The following SEMA7A variants were observed in gnomAD, a reference collection of about 807,000 sequenced individuals.
SEMA7A encodes the protein semaphorin-7A.
In SEMA7A, 21 loss-of-function variants were observed where a neutral mutation model predicts 67.5. The observed-to-expected ratio is 0.31, with a 90% CI of 0.22 to 0.45. SEMA7A has a LOEUF of 0.45. Among genes scored for constraint, SEMA7A ranks in the 20% least tolerant of loss-of-function variants. The pLI, the probability that SEMA7A is intolerant of heterozygous loss-of-function variation, is 1.00. For missense variants in SEMA7A, 774 were observed against 908.6 expected, an observed-to-expected ratio of 0.85 and a Z score of 1.90; for synonymous variants, 364 against 368.5, an observed-to-expected ratio of 0.99 and a Z score of 0.14.
chr15:74,415,520 C>T (rs542214530), intron 8 of SEMA7A, among the ~76,000 whole-genome samples: 34 of 152,274 alleles, frequency 2.2e-4, no homozygotes, highest in African/African-American at 8.2e-4. Context: ...CCAGTGTCCA[C>T]TCTCGGCACA....
In SEMA7A at chr15:74,423,871, G is replaced by A. The variant is rs1021909673; in HGVS notation, c.179-4919C>T. 3.9e-5 allele frequency among the ~76,000 whole-genome samples: 6 copies of A among 152,178 alleles called. No individual in the cohort carries two copies. The South Asian group carries it at 6.2e-4, about 16-fold the overall frequency. On this transcript the variant is annotated intron_variant, in intron 1 of 13. Transcript: ENST00000261918. This position sits in a 1 kb window ranked among gnomAD's most constrained non-coding sequence, Gnocchi z 4.1. ...CTGGTTTCCAGGGTGGCACCGGCTCGGTGCTAAGGATAGGTCATGGTTGCA... is the reference window on the plus strand; with the variant it reads ...CTGGTTTCCAGGGTGGCACCGGCTCAGTGCTAAGGATAGGTCATGGTTGCA...
intron 1 of SEMA7A, among the ~76,000 whole-genome samples, chr15:74,421,376 C>T (rs28362897): frequency 0.044 from 6,751 of 152,260 alleles, 250 homozygotes; most frequent in African/African-American, 0.1. Flanking sequence ...AGCTGCAGCA[C>T]TAGGGCCCGG....
chr15:74,414,705 T>C lies in SEMA7A; in HGVS notation c.1136A>G (p.Gln379Arg). 6.2e-7 allele frequency: 1 copy of C among 1,614,130 alleles called. No individual in the cohort carries two copies. Among genetic ancestry groups the C allele is most frequent in the Non-Finnish European group, 8.5e-7 (1 of 1,180,020 alleles). ...DQQPIPTETF[Q>R]VADRHPEVAQ... ...CACCTCTGGGTGACGGTCAGCCACC[T>C]GGAAGGTCTCTGTGGGTATCGGCTG... The change falls in exon 10 of 14, where the codon CAG becomes CGG. Residue 379 changes from glutamine to arginine, a missense_variant. Transcript: ENST00000261918. This position sits in a 1 kb window ranked among gnomAD's most constrained non-coding sequence, Gnocchi z 4.1.
At chr15:74,416,490 A>T in intron 7 of SEMA7A, 85 bp downstream of exon 7, 1 of 1,439,366 alleles carries the variant, frequency 6.9e-7, no homozygotes, top group Non-Finnish European at 9.6e-7. Context: ...CAACTTCTAC[A>T]TGCACACGGA....
chr15:74,410,533 C>T lies in SEMA7A; in HGVS notation c.*91G>A. 1 of 1,492,728 alleles carries T rather than the reference C, an allele frequency of 6.7e-7. No homozygotes were observed. The highest frequency in any genetic ancestry group is 2.3e-5 in the East Asian group (1 of 43,756). 92.5% of individuals were successfully genotyped at this position (1,492,728 alleles called of 1,614,324 possible). On this transcript the variant is annotated 3_prime_UTR_variant, in exon 14 of 14. Transcript: ENST00000261918. This position sits in a 1 kb window ranked among gnomAD's most constrained non-coding sequence, Gnocchi z 7.5. Reference sequence around the variant, plus strand: ...TCTGTCCCCTGGAAGAAGTGGCAGGCAAGGAGCTCCCGGGCCAGCCGGCTC... The same window carrying T: ...TCTGTCCCCTGGAAGAAGTGGCAGGTAAGGAGCTCCCGGGCCAGCCGGCTC...
intron 1 of SEMA7A, among the ~76,000 whole-genome samples, chr15:74,420,897 G>A (rs2060994766): frequency 6.6e-6 from 1 of 152,218 alleles, no homozygotes; most frequent in African/African-American, 2.4e-5. Context: ...TAGGACCTGA[G>A]ATCCATAGTC....
intron 1 of SEMA7A, among the ~76,000 whole-genome samples, chr15:74,430,811 T>A (rs1443403614): frequency 6.6e-6 from 1 of 152,220 alleles, no homozygotes; most frequent in African/African-American, 2.4e-5. Context: ...AAGCCCCAGA[T>A]GTGACCTCAT....
intron 1 of SEMA7A, among the ~76,000 whole-genome samples, chr15:74,427,529 C>T (rs1165860292): frequency 6.6e-6 from 1 of 152,178 alleles, no homozygotes; most frequent in African/African-American, 2.4e-5. Context: ...CGGGGTTTCA[C>T]CATGTTGGCC....
At chr15:74,427,961 T>C (rs1258846536) in intron 1 of SEMA7A, among the ~76,000 whole-genome samples, 1 of 152,092 alleles carries the variant, frequency 6.6e-6, no homozygotes, top group Non-Finnish European at 1.5e-5. Flanking sequence ...TGATGAGGGG[T>C]CACCCAGGGG....
intron 6 of SEMA7A, 66 bp from the exon 7 acceptor site, chr15:74,416,780 GCA>G: frequency 1.3e-6 from 2 of 1,550,586 alleles, no homozygotes; most frequent in Non-Finnish European, 1.8e-6. Context: ...TCCCAACCCT[GCA>G]CACTCTCCTC....
chr15:74,418,171 T>A, intron 3 of SEMA7A, 97 bp downstream of exon 3: 1 of 1,312,968 alleles, frequency 7.6e-7, no homozygotes, highest in South Asian at 1.2e-5. Flanking sequence ...AGTCTGGGAC[T>A]CGTGGGGCAG....
chr15:74,426,473 T>G (rs1257857026), intron 1 of SEMA7A, among the ~76,000 whole-genome samples: 2 of 152,182 alleles, frequency 1.3e-5, no homozygotes, highest in African/African-American at 4.8e-5. Flanking sequence ...TGCCTCTCTC[T>G]TAATCATGGA....
chr15:74,411,529 A>G lies in SEMA7A; in HGVS notation c.1577+27T>C, dbSNP rs373375782. 3.2e-6 allele frequency: 5 copies of G among 1,542,946 alleles called. No individual in the cohort carries two copies. In the African/African-American group the frequency reaches 6.9e-5, roughly 21 times the overall value. ...CCCTCTCCCATGCCCACCTTCTCCC[A>G]GGGACGAGGGATCCCGGCCAACGTA... On this transcript the variant is annotated intron_variant, in intron 12 of 13. Transcript: ENST00000261918. The surrounding 1 kb of genome is among the most constrained non-coding windows in gnomAD (Gnocchi z 4.4).
rs376340979 is a variant in SEMA7A at position 74,418,805 on chromosome 15, C to T, written c.326G>A (p.Arg109His). 34 of 1,613,386 alleles carry T rather than the reference C, an allele frequency of 2.1e-5. No homozygotes were observed. The highest frequency in any genetic ancestry group is 6.7e-5 in the East Asian group (3 of 44,890). The change falls in exon 2 of 14, where the codon CGC becomes CAC. Residue 109 changes from arginine (R) to histidine (H), a missense_variant. Coordinates refer to ENST00000261918, the MANE Select transcript of SEMA7A (RefSeq NM_003612.5). The stretch of plus-strand genomic sequence containing the variant: ...TGGGGGAAGAGAGAGGCTCACCGTG[C>T]GCACAGATGCGTTCTTGCCCTCGGG... ...DFPEGKNASVRTVNIGSTKGS... is the reference protein window; with the variant it reads ...DFPEGKNASVHTVNIGSTKGS...
At position 74,433,772 on chromosome 15, in the gene SEMA7A, C is replaced by T. The variant is rs779886394; in HGVS notation, c.147G>A (p.Arg49=). Reference sequence around the variant, plus strand: ...AGACGGCGAAGATGCGGGGTCCGCTCCTTAGGTGGCCCTGGGCGGAGGCGG... The same window carrying T: ...AGACGGCGAAGATGCGGGGTCCGCTTCTTAGGTGGCCCTGGGCGGAGGCGG... The part of the protein sequence containing the change: ...AAAASAQGHL[R]SGPRIFAVWK... Residue 49 remains arginine (R), a synonymous_variant, in exon 1 of 14, where the codon AGG becomes AGA. Transcript: ENST00000261918. 2.1e-6 allele frequency: 3 copies of T among 1,443,714 alleles called. No homozygotes were observed. Among genetic ancestry groups the T allele is most frequent in the Non-Finnish European group, 2.7e-6 (3 of 1,103,510 alleles). The allele number at this position is 1,443,714 out of a possible 1,614,324, so 89.4% of individuals were successfully genotyped here.
chr15:74,433,068 G>A (rs1438903928), intron 1 of SEMA7A, among the ~76,000 whole-genome samples: 1 of 152,210 alleles, frequency 6.6e-6, no homozygotes, highest in Non-Finnish European at 1.5e-5. Flanking sequence ...GATTTCTGGT[G>A]ACAACTGCCA....
At position 74,415,851 on chromosome 15, in the gene SEMA7A, G is replaced by A. The variant is rs766814331; in HGVS notation, c.936C>T (p.Pro312=). 2.8e-5 allele frequency: 45 copies of A among 1,613,954 alleles called. No individual in the cohort carries two copies. The highest frequency in any genetic ancestry group is 5.0e-5 in the Admixed American group (3 of 59,994). The stretch of plus-strand genomic sequence containing the variant: ...CCCTGGTGTCCCTCCACTGGCCGCT[G>A]GGGTCAGGGAGCAGGAAGACGTCTT... The part of the protein sequence containing the change: ...RLQDVFLLPD[P]SGQWRDTRVY... The change falls in exon 8 of 14, where the codon CCC becomes CCT. Residue 312 remains proline (P), a synonymous_variant. Transcript: ENST00000261918.
In SEMA7A at chr15:74,418,821, T is replaced by C. The variant is rs764105180; in HGVS notation, c.310A>G (p.Lys104Glu). 5.0e-6 allele frequency: 8 copies of C among 1,613,862 alleles called. No homozygotes were observed. The highest frequency in any genetic ancestry group is 1.3e-5 in the African/African-American group (1 of 75,044). Residue 104 changes from lysine to glutamate, a missense_variant, in exon 2 of 14, where the codon AAG becomes GAG. This residue lies in a region of SEMA7A where 347 missense variants were observed against 353.2 expected (regional missense o/e 0.98). Transcript: ENST00000261918. Reference protein sequence around the residue: ...KVYLFDFPEGKNASVRTVNIG... With the variant: ...KVYLFDFPEGENASVRTVNIG... ...CTCACCGTGCGCACAGATGCGTTCT[T>C]GCCCTCGGGGAAGTCAAAGAGGTAG... is the stretch of plus-strand genomic sequence containing the variant.
chr15:74,418,563 A>C (rs2060972526), intron 2 of SEMA7A, among the ~76,000 whole-genome samples: 1 of 152,222 alleles, frequency 6.6e-6, no homozygotes, highest in Non-Finnish European at 1.5e-5. Context: ...GGCTTTCCGC[A>C]GCAGCGCTGC....
Sources: gnomAD v4.1 joint callset for allele counts (sites outside exome capture counted in the v4.1 genomes callset) on GRCh38, gnomAD v4.1.1 for gene constraint, gnomAD v4.1.1 regional missense constraint, Gnocchi (gnomAD v3.1) non-coding constraint, MANE v1.5 for transcripts, NCBI Gene and HGNC (gene_info 2026-07-23, HGNC 2026-07-21) for gene names.